The following MSX1 variants were observed in gnomAD, a reference collection of about 807,000 sequenced individuals.
MSX1 encodes the protein homeobox protein MSX-1.
A neutral mutation model predicts 17.0 loss-of-function variants in MSX1; 11 were observed. The observed-to-expected ratio is 0.65, with a 90% CI of 0.41 to 1.07. MSX1 has a LOEUF of 1.07. Ranked by LOEUF, MSX1 falls within the 50% of genes least tolerant of loss-of-function variation. The pLI is 0.00. For missense variants in MSX1, 477 were observed against 440.1 expected (o/e 1.08, Z -0.75); for synonymous variants, 253 against 211.8 (o/e 1.19, Z -1.69).
In MSX1 at chr4:4,860,010, G is replaced by A. The variant is rs1206503802; in HGVS notation, c.111G>A (p.Ala37=). 2.3e-5 allele frequency: 35 copies of A among 1,498,542 alleles called. No individual in the cohort carries two copies. The highest frequency in any genetic ancestry group is 2.9e-5 in the Non-Finnish European group (33 of 1,125,264). 92.8% of individuals were successfully genotyped at this position (1,498,542 alleles called of 1,614,324 possible). The part of the protein sequence containing the change: ...GGAGQAPSAA[A]ATAAAMGADE... ...CGGGCCAGGCCCCCAGCGCCGCCGC[G>A]GCCACGGCAGCCGCCATGGGCGCGG... Residue 37 remains alanine, a synonymous_variant, in exon 1 of 2, where the codon GCG becomes GCA. Coordinates refer to ENST00000382723, the MANE Select transcript of MSX1 (RefSeq NM_002448.3).
At chr4:4,861,653 C>T (rs1376033365) in intron 1 of MSX1, among the ~76,000 whole-genome samples, 1 of 152,222 alleles carries the variant, frequency 6.6e-6, no homozygotes, top group Non-Finnish European at 1.5e-5. Flanking sequence ...GGCCCCAAGA[C>T]CCCGAAGTCA....
chr4:4,861,568 C>T (rs542500430), intron 1 of MSX1, among the ~76,000 whole-genome samples: 1 of 152,380 alleles, frequency 6.6e-6, no homozygotes, highest in South Asian at 2.1e-4. Context: ...GGTGAAACAT[C>T]TTCGATTTGA....
Position 4,859,766 on chromosome 4 carries a change from G to T in MSX1, c.-134G>T, listed in dbSNP as rs1737861593. The T allele has an allele frequency of 1.9e-5, 11 of 586,232 alleles. No homozygotes were observed. Among genetic ancestry groups the T allele is most frequent in the Non-Finnish European group, 2.3e-5 (10 of 429,644 alleles). 36.3% of individuals were successfully genotyped at this position (586,232 alleles called of 1,614,324 possible). On this transcript the variant is annotated 5_prime_UTR_variant, in exon 1 of 2. Transcript: ENST00000382723. ...CGGAGCTGGCCTGCTGGGGAGGGGC[G>T]GGAGGCGCGCGCGGGAGGGTCCGCC...
chr4:4,862,764 C>T lies in MSX1; in HGVS notation c.533C>T (p.Pro178Leu). ...AAGACGAACCGTAAGCCGCGGACGC[C>T]CTTCACCACCGCGCAGCTGCTGGCG... Reference protein sequence around the residue: ...KHKTNRKPRTPFTTAQLLALE... With the variant: ...KHKTNRKPRTLFTTAQLLALE... The change falls in exon 2 of 2, where the codon CCC (proline) becomes CTC (leucine). Residue 178 changes from proline to leucine, a missense_variant. Pro to Leu is a moderately conservative substitution (Grantham distance 98). Around this residue, in one of 3 missense-constraint regions of MSX1, gnomAD observed 355 missense variants for 306.1 expected, o/e 1.16. Coordinates refer to ENST00000382723, the MANE Select transcript of MSX1 (RefSeq NM_002448.3). 1 of 1,613,552 alleles carries T rather than the reference C, an allele frequency of 6.2e-7. No homozygotes were observed. Among genetic ancestry groups the T allele is most frequent in the Non-Finnish European group, 8.5e-7 (1 of 1,180,024 alleles).
At position 4,863,579 on chromosome 4, in the gene MSX1, A is replaced by AAAAAAAAAAAAAAAAAAAAAAAAAAAAC. The variant is rs1737979407; in HGVS notation, c.*445_*446insAAAAAAAAAAAAAAAAAACAAAAAAAAA. ...AAAAAAAAAAAAAAAAAAAAAAAAA[A>AAAAAAAAAAAAAAAAAAAAAAAAAAAAC]AAAAAAAAAGAAAAGAGAAAAAAAA... On this transcript the variant is annotated 3_prime_UTR_variant, in exon 2 of 2. Coordinates refer to ENST00000382723, the MANE Select transcript of MSX1 (RefSeq NM_002448.3). The AAAAAAAAAAAAAAAAAAAAAAAAAAAAC allele has an allele frequency of 7.0e-6, 1 of 142,266 alleles. No individual in the cohort carries two copies. Among genetic ancestry groups the AAAAAAAAAAAAAAAAAAAAAAAAAAAAC allele is most frequent in the Non-Finnish European group, 1.6e-5 (1 of 64,498 alleles). The allele number at this position is 142,266 out of a possible 1,614,324, so 8.8% of individuals were successfully genotyped here.
intron 1 of MSX1, among the ~76,000 whole-genome samples, chr4:4,861,376 C>T (rs879711179): frequency 6.6e-6 from 1 of 152,222 alleles, no homozygotes; most frequent in Non-Finnish European, 1.5e-5. Flanking sequence ...TCCCGGACTC[C>T]CGGTGGCCTC....
Position 4,863,869 on chromosome 4 carries a change from T to C in MSX1, c.*726T>C, listed in dbSNP as rs1483728531. On this transcript the variant is annotated 3_prime_UTR_variant, in exon 2 of 2. Coordinates refer to ENST00000382723, the MANE Select transcript of MSX1 (RefSeq NM_002448.3). ...TGTGTACTATGTAATATACTGTATA[T>C]TTGAAATTTTATTATCATTTATATT... 1.3e-5 allele frequency: 2 copies of C among 152,558 alleles called. No homozygotes were observed. The highest frequency in any genetic ancestry group is 2.9e-5 in the Non-Finnish European group (2 of 68,026). The allele number at this position is 152,558 out of a possible 1,614,324, so 9.5% of individuals were successfully genotyped here.
chr4:4,860,678 ACT>A (rs1272101575), intron 1 of MSX1, among the ~76,000 whole-genome samples: 1 of 151,952 alleles, frequency 6.6e-6, no homozygotes, highest in African/African-American at 2.4e-5. Flanking sequence ...CTGATCCCAA[ACT>A]CTGTTTCATC....
chr4:4,863,475 C>CT lies in MSX1; in HGVS notation c.*336dup. The CT allele has an allele frequency of 5.1e-6, 1 of 194,458 alleles. No individual in the cohort carries two copies. The allele number at this position is 194,458 out of a possible 1,614,324, so 12.0% of individuals were successfully genotyped here. ...GCTAGAGGCCATGTCTCCTGCATAGCTTTTCCCTGTCCTGACACCAGGCAA... is the reference window on the plus strand; with the variant it reads ...GCTAGAGGCCATGTCTCCTGCATAGCTTTTTCCCTGTCCTGACACCAGGCAA... On this transcript the variant is annotated 3_prime_UTR_variant, in exon 2 of 2. Transcript: ENST00000382723.
At chr4:4,862,584 G>A in intron 1 of MSX1, 117 bp from the exon 2 acceptor site, 1 of 1,211,780 alleles carries the variant, frequency 8.3e-7, no homozygotes, top group Non-Finnish European at 1.2e-6. Context: ...CCGGCACCGA[G>A]GCACTTGGCG....
chr4:4,859,879 G>C lies in MSX1; in HGVS notation c.-21G>C, dbSNP rs1365561545. The C allele has an allele frequency of 8.1e-6, 12 of 1,472,536 alleles. No individual in the cohort carries two copies. In the African/African-American group the frequency reaches 8.8e-5, roughly 11 times the overall value. The allele number at this position is 1,472,536 out of a possible 1,614,324, so 91.2% of individuals were successfully genotyped here. ...CCGGCGGCTGGCCAGTGCTGCGGCA[G>C]AAGGGGGGGCCCGGCTCTGCATGGC... On this transcript the variant is annotated 5_prime_UTR_variant, in exon 1 of 2. Coordinates refer to ENST00000382723, the MANE Select transcript of MSX1 (RefSeq NM_002448.3).
In MSX1 at chr4:4,860,086, G is replaced by T. The variant is rs1268885452; in HGVS notation, c.187G>T (p.Val63Leu). ...GTCCCCTTCGCTCCTGCCCTTCAGC[G>T]TGGAGGCGCTCATGGCCGACCACAG... ...KVSPSLLPFS[V>L]EALMADHRKP... Residue 63 changes from valine to leucine, a missense_variant, in exon 1 of 2, where the codon GTG becomes TTG. This residue lies in a region of MSX1 where 355 missense variants were observed against 306.1 expected (regional missense o/e 1.16). Coordinates refer to ENST00000382723, the MANE Select transcript of MSX1 (RefSeq NM_002448.3). The T allele has an allele frequency of 1.3e-6, 2 of 1,522,240 alleles. No homozygotes were observed. Among genetic ancestry groups the T allele is most frequent in the South Asian group, 1.2e-5 (1 of 81,460 alleles). The allele number at this position is 1,522,240 out of a possible 1,614,324, so 94.3% of individuals were successfully genotyped here. A position where few individuals can be genotyped will look rare whatever the true frequency, so the allele number is the denominator to read the frequency against.
intron 1 of MSX1, among the ~76,000 whole-genome samples, chr4:4,861,896 AACACACACACAC>A (rs3836612): frequency 2.7e-5 from 4 of 150,756 alleles, no homozygotes; most frequent in Admixed American, 1.3e-4. Context: ...CAACAACATC[AACACACACACAC>A]ACACACACAC....
At chr4:4,861,274 G>T (rs936431981) in intron 1 of MSX1, among the ~76,000 whole-genome samples, 12 of 152,238 alleles carry the variant, frequency 7.9e-5, no homozygotes, top group Non-Finnish European at 1.6e-4. Flanking sequence ...AGGTGGCCCC[G>T]CTCTGGGTTG....
rs866357914 is a variant in MSX1, at chr4:4,860,227, T to G, written c.328T>G (p.Ser110Ala). The G allele has an allele frequency of 6.4e-7, 1 of 1,570,594 alleles. No individual in the cohort carries two copies. Residue 110 changes from serine to alanine, a missense_variant, in exon 1 of 2, where the codon TCT becomes GCT. Physicochemically the swap from Ser to Ala is moderately conservative, Grantham distance 99. Around this residue, in one of 3 missense-constraint regions of MSX1, gnomAD observed 355 missense variants for 306.1 expected, o/e 1.16. Coordinates refer to ENST00000382723, the MANE Select transcript of MSX1 (RefSeq NM_002448.3). ...GTCGCTGGGAGCCCCGGACGCGCCC[T>G]CTTCGCCGCGGCCGCTCGGCCATTT... ...PGSLGAPDAPSSPRPLGHFSV... is the reference protein window; with the variant it reads ...PGSLGAPDAPASPRPLGHFSV...
In MSX1 at chr4:4,859,974, G is replaced by T; in HGVS notation, c.75G>T (p.Ala25=). The T allele has an allele frequency of 1.3e-6, 2 of 1,488,220 alleles. No homozygotes were observed. The highest frequency in any genetic ancestry group is 8.9e-7 in the Non-Finnish European group (1 of 1,119,802). The allele number at this position is 1,488,220 out of a possible 1,614,324, so 92.2% of individuals were successfully genotyped here. A position where few individuals can be genotyped will look rare whatever the true frequency, so the allele number is the denominator to read the frequency against. ...KVEDSAFGKP[A]GGGAGQAPSA... is the part of the protein sequence containing the mutation. ...AGGACTCCGCCTTCGGCAAGCCGGC[G>T]GGGGGAGGCGCGGGCCAGGCCCCCA... Residue 25 remains alanine (A), a synonymous_variant, in exon 1 of 2, where the codon GCG becomes GCT. Coordinates refer to ENST00000382723, the MANE Select transcript of MSX1 (RefSeq NM_002448.3).
rs1225310033 is a variant in MSX1, at chr4:4,860,085, C to A, written c.186C>A (p.Ser62Arg). ...PKVSPSLLPF[S>R]VEALMADHRK... is the part of the protein sequence containing the mutation. ...TGTCCCCTTCGCTCCTGCCCTTCAGCGTGGAGGCGCTCATGGCCGACCACA... is the reference window on the plus strand; with the variant it reads ...TGTCCCCTTCGCTCCTGCCCTTCAGAGTGGAGGCGCTCATGGCCGACCACA... The change falls in exon 1 of 2, where the codon AGC becomes AGA. Residue 62 changes from serine (S) to arginine (R), a missense_variant. Transcript: ENST00000382723. The A allele has an allele frequency of 6.6e-7, 1 of 1,522,266 alleles. No homozygotes were observed. 94.3% of individuals were successfully genotyped at this position (1,522,266 alleles called of 1,614,324 possible).
At position 4,862,878 on chromosome 4, in the gene MSX1, T is replaced by A. The variant is rs1369887581; in HGVS notation, c.647T>A (p.Val216Glu). The stretch of plus-strand genomic sequence containing the variant: ...TCGCTCAGCCTCACTGAGACGCAGG[T>A]GAAGATATGGTTCCAGAACCGCCGC... ...SSSLSLTETQ[V>E]KIWFQNRRAK... The change falls in exon 2 of 2, where the codon GTG (valine) becomes GAG (glutamate). Residue 216 changes from valine to glutamate, a missense_variant. By Grantham distance (121) the Val-to-Glu change is moderately radical. Around this residue, in one of 3 missense-constraint regions of MSX1, gnomAD observed 8 missense variants for 27.7 expected, o/e 0.29. Coordinates refer to ENST00000382723, the MANE Select transcript of MSX1 (RefSeq NM_002448.3). 6.2e-7 allele frequency: 1 copy of A among 1,613,646 alleles called. No individual in the cohort carries two copies. The highest frequency in any genetic ancestry group is 8.5e-7 in the Non-Finnish European group (1 of 1,180,006).
chr4:4,859,887 G>T lies in MSX1; in HGVS notation c.-13G>T. 3 of 1,479,460 alleles carry T rather than the reference G, an allele frequency of 2.0e-6. No individual in the cohort carries two copies. The highest frequency in any genetic ancestry group is 1.3e-5 in the South Asian group (1 of 75,906). The allele number at this position is 1,479,460 out of a possible 1,614,324, so 91.6% of individuals were successfully genotyped here. A position where few individuals can be genotyped will look rare whatever the true frequency, so the allele number is the denominator to read the frequency against. ...TGGCCAGTGCTGCGGCAGAAGGGGG[G>T]GCCCGGCTCTGCATGGCCCCGGCTG... On this transcript the variant is annotated 5_prime_UTR_variant, in exon 1 of 2. Transcript: ENST00000382723.
Sources: gnomAD v4.1 joint callset for allele counts (sites outside exome capture counted in the v4.1 genomes callset) on GRCh38, gnomAD v4.1.1 for gene constraint, gnomAD v4.1.1 regional missense constraint, MANE v1.5 for transcripts, NCBI Gene and HGNC (gene_info 2026-07-23, HGNC 2026-07-21) for gene names.